The following FGF13 variants were observed in gnomAD, a reference collection of about 807,000 sequenced individuals.
FGF13 encodes fibroblast growth factor 13.
A neutral mutation model predicts 19.5 loss-of-function variants in FGF13; 2 were observed. The ratio of observed to expected loss-of-function variants is 0.10; its 90% CI spans 0.04 to 0.32. The LOEUF (loss-of-function observed/expected upper bound fraction) is 0.32, where lower values mean the gene tolerates loss of function less well. Among genes scored for constraint, FGF13 ranks in the 10% least tolerant of loss-of-function variants. The pLI, the probability that FGF13 is intolerant of heterozygous loss-of-function variation, is 1.00. For missense variants in FGF13, 113 were observed against 192.7 expected, an observed-to-expected ratio of 0.59 and a Z score of 2.45; for synonymous variants, 72 against 76.9, an observed-to-expected ratio of 0.94 and a Z score of 0.33.
At chrX:138,669,231 G>T (rs1219271896) in intron 3 of FGF13, among the ~76,000 whole-genome samples, 1 of 110,751 alleles carries the variant, frequency 9.0e-6, no homozygotes, top group Non-Finnish European at 1.9e-5. Flanking sequence ...GCTTTGGGAA[G>T]AGATAAAATA....
intron 1 of FGF13, among the ~76,000 whole-genome samples, chrX:139,043,026 GTA>G (rs1187860284): frequency 9.0e-6 from 1 of 111,079 alleles, no homozygotes; most frequent in African/African-American, 3.3e-5. Context: ...GCTCCCAGCT[GTA>G]TGTCATCTGT....
At chrX:138,857,659 CA>C (rs1275888012) in exon 3 of FGF13, 23 of 1,195,631 alleles carry the variant, frequency 1.9e-5, no homozygotes, top group Admixed American at 2.3e-5. Flanking sequence ...TCCTGTGTGC[CA>C]GGGGGGGCGT....
At chrX:138,970,605 C>A (rs1320414482) in intron 1 of FGF13, among the ~76,000 whole-genome samples, 1 of 111,415 alleles carries the variant, frequency 9.0e-6, no homozygotes, top group Non-Finnish European at 1.9e-5. Context: ...ACCTAATTCA[C>A]CTACAGGAGA....
At chrX:138,747,020 G>C (rs1174065628) in intron 3 of FGF13, among the ~76,000 whole-genome samples, 1 of 111,573 alleles carries the variant, frequency 9.0e-6, no homozygotes, top group Non-Finnish European at 1.9e-5. Context: ...TAAGCTCCCT[G>C]ATAGAGTTAG....
Position 139,002,187 on chromosome X carries a change from T to A in FGF13, c.-112-137537A>T, listed in dbSNP as rs903443434. On this transcript the variant is annotated intron_variant, in intron 1 of 2. Transcript: ENST00000421460. The stretch of plus-strand genomic sequence containing the variant: ...GGGGAACATCACATGCCAGGGCCTG[T>A]TGGGGGTAGGGGGCTTGGGGAGGGA... Among the ~76,000 whole-genome samples, 9 of 109,794 alleles carry A rather than the reference T, an allele frequency of 8.2e-5. No homozygotes were observed. In the East Asian group the frequency reaches 1.7e-3, roughly 21 times the overall value.
chrX:139,031,673 A>G (rs1486625654), intron 1 of FGF13, among the ~76,000 whole-genome samples: 7 of 108,522 alleles, frequency 6.5e-5, no homozygotes, highest in Non-Finnish European at 1.3e-4. Context: ...GAAGTAGCCC[A>G]TTCCAATTCC....
At chrX:138,872,554 G>T (rs1352995658) in intron 1 of FGF13, among the ~76,000 whole-genome samples, 1 of 112,210 alleles carries the variant, frequency 8.9e-6, no homozygotes, top group African/African-American at 3.2e-5. Context: ...TATTGAATAA[G>T]CCACATCATC....
intron 1 of FGF13, among the ~76,000 whole-genome samples, chrX:139,084,543 G>A (rs924074255): frequency 9.0e-6 from 1 of 111,568 alleles, no homozygotes; most frequent in East Asian, 2.8e-4. Flanking sequence ...GTGGAGCCGC[G>A]AAGCATCAAG....
At chrX:138,677,158 G>C (rs937556693) in intron 3 of FGF13, among the ~76,000 whole-genome samples, 5 of 111,816 alleles carry the variant, frequency 4.5e-5, no homozygotes, top group Admixed American at 2.9e-4. Context: ...CAGACCATCA[G>C]GAATAGTGAT....
chrX:139,003,985 C>A (rs1191011662), intron 1 of FGF13, among the ~76,000 whole-genome samples: 1 of 112,597 alleles, frequency 8.9e-6, no homozygotes, highest in African/African-American at 3.2e-5. Flanking sequence ...TGCACCGGGG[C>A]TGCAGGTGGA....
chrX:138,984,576 A>C (rs1251913160), intron 1 of FGF13, among the ~76,000 whole-genome samples: 1 of 53,551 alleles, frequency 1.9e-5, no homozygotes, highest in Non-Finnish European at 3.6e-5. Context: ...GAAGAAGAAG[A>C]AGAAGAAGAA....
chrX:138,873,578 C>G (rs1421158201), intron 1 of FGF13, among the ~76,000 whole-genome samples: 1 of 111,516 alleles, frequency 9.0e-6, no homozygotes, highest in African/African-American at 3.3e-5. Context: ...ACAAGCTTCC[C>G]AAATCTTACC....
Position 138,984,557 on chromosome X carries a change from G to A in FGF13, c.-112-119907C>T, listed in dbSNP as rs867401020. ...AGAAGAAGAAGAAGAAGAAGAAGAA[G>A]AAGAAGAAGAAGAAGAAGAAGAAGA... On this transcript the variant is annotated intron_variant, in intron 1 of 2. Coordinates refer to the FGF13 transcript ENST00000421460. Among the ~76,000 whole-genome samples, 14 of 41,914 alleles carry A rather than the reference G, an allele frequency of 3.3e-4. 1 individual carries two copies. The highest frequency in any genetic ancestry group is 8.4e-4 in the Admixed American group (3 of 3,553). 36.4% of individuals were successfully genotyped at this position (41,914 alleles called of 115,157 possible). A position where few individuals can be genotyped will look rare whatever the true frequency, so the allele number is the denominator to read the frequency against.
chrX:138,837,060 G>A (rs1442379928), intron 3 of FGF13, among the ~76,000 whole-genome samples: 1 of 112,138 alleles, frequency 8.9e-6, no homozygotes. Context: ...CTCCATCCCA[G>A]GGAGGTATGG....
chrX:138,938,653 TTAA>T (rs2091743891), intron 1 of FGF13, among the ~76,000 whole-genome samples: 1 of 111,460 alleles, frequency 9.0e-6, no homozygotes, highest in African/African-American at 3.3e-5. Context: ...CCATCCATTA[TTAA>T]TAACATAATT....
intron 3 of FGF13, among the ~76,000 whole-genome samples, chrX:138,796,103 T>A (rs924827499): frequency 1.8e-5 from 2 of 110,764 alleles, no homozygotes; most frequent in Non-Finnish European, 3.8e-5. Flanking sequence ...GTGCTGAACA[T>A]GCAGGTTTGT....
chrX:138,800,781 C>A lies in FGF13; in HGVS notation c.217+56731G>T, dbSNP rs190750937. Among the ~76,000 whole-genome samples, 11 of 111,858 alleles carry A rather than the reference C, an allele frequency of 9.8e-5. No homozygotes were observed. In the East Asian group the frequency reaches 2.5e-3, roughly 26 times the overall value. On this transcript the variant is annotated intron_variant, in intron 3 of 6. Coordinates refer to the FGF13 transcript ENST00000436198. ...TATTGCTTGGAGGCTTTGTTTGCTC[C>A]TTTTCATTCTTTTTTGTCTAATCTT...
intron 1 of FGF13, among the ~76,000 whole-genome samples, chrX:138,932,007 C>A (rs1002058360): frequency 6.3e-5 from 7 of 110,455 alleles, no homozygotes; most frequent in Non-Finnish European, 1.1e-4. Context: ...ACTATCCCCC[C>A]ACCCCCCATT....
intron 1 of FGF13, among the ~76,000 whole-genome samples, chrX:138,968,163 T>C (rs1439236006): frequency 8.9e-6 from 1 of 112,215 alleles, no homozygotes; most frequent in Admixed American, 9.5e-5. Flanking sequence ...CAAGAAGATA[T>C]GAAGGCAAAG....
Sources: gnomAD v4.1 joint callset for allele counts (sites outside exome capture counted in the v4.1 genomes callset) on GRCh38, gnomAD v4.1.1 for gene constraint, MANE v1.5 for transcripts, NCBI Gene and HGNC (gene_info 2026-07-23, HGNC 2026-07-21) for gene names.